DIPK1A: variants seen among roughly 807,000 people sequenced by gnomAD.
DIPK1A encodes divergent protein kinase domain 1A.
In DIPK1A, 27 loss-of-function variants were observed where a neutral mutation model predicts 40.8. That is an observed-to-expected ratio of 0.66 (90% CI 0.49 to 0.91). The LOEUF (loss-of-function observed/expected upper bound fraction) is 0.91. Ranked by LOEUF, DIPK1A falls within the 40% of genes least tolerant of loss-of-function variation. The pLI is 0.00. For missense variants in DIPK1A, 412 were observed against 505.7 expected (o/e 0.81, Z 1.78); for synonymous variants, 166 against 171.3 (o/e 0.97, Z 0.24).
At chr1:92,899,918 C>A (rs566019977) in intron 1 of DIPK1A, among the ~76,000 whole-genome samples, 1 of 152,030 alleles carries the variant, frequency 6.6e-6, no homozygotes, top group African/African-American at 2.4e-5. Flanking sequence ...GTATTCCTGG[C>A]TGGCTATTTT....
chr1:92,835,203 G>T, intron 4 of DIPK1A: 1 of 480,900 alleles, frequency 2.1e-6, no homozygotes, highest in Non-Finnish European at 3.8e-6. Flanking sequence ...TGTAGCTAGT[G>T]TCTACTTAAT....
intron 1 of DIPK1A, among the ~76,000 whole-genome samples, chr1:92,942,640 T>C (rs1182485085): frequency 6.6e-6 from 1 of 152,130 alleles, no homozygotes; most frequent in Non-Finnish European, 1.5e-5. Context: ...TTTATTGAAA[T>C]ACTTTGTTAA....
chr1:92,888,344 A>C (rs1648706129), intron 1 of DIPK1A, among the ~76,000 whole-genome samples: 1 of 152,160 alleles, frequency 6.6e-6, no homozygotes, highest in Non-Finnish European at 1.5e-5. Context: ...AAGCTCATCC[A>C]TGTGGCTGTG....
intron 1 of DIPK1A, chr1:92,931,221 T>A (rs1650733764): frequency 1.3e-5 from 2 of 153,112 alleles, no homozygotes; most frequent in African/African-American, 4.8e-5. Flanking sequence ...TGTCCTTCAG[T>A]AGGTGGATGA....
At chr1:92,909,633 C>T (rs1571115377) in intron 1 of DIPK1A, among the ~76,000 whole-genome samples, 1 of 152,316 alleles carries the variant, frequency 6.6e-6, no homozygotes. Context: ...AACAGTAGGA[C>T]TGGACTCTGA....
At chr1:92,941,458 G>A (rs1571144143) in intron 1 of DIPK1A, among the ~76,000 whole-genome samples, 1 of 152,220 alleles carries the variant, frequency 6.6e-6, no homozygotes, top group Admixed American at 6.5e-5. Context: ...CAGTTCTGTT[G>A]ACAGCAAAAT....
At chr1:92,867,071 T>C (rs1169050480) in intron 2 of DIPK1A, among the ~76,000 whole-genome samples, 1 of 152,224 alleles carries the variant, frequency 6.6e-6, no homozygotes, top group Non-Finnish European at 1.5e-5. Context: ...TGTCTTTCAA[T>C]ACATGAACTC....
At chr1:92,922,594 G>A (rs188835725) in intron 1 of DIPK1A, among the ~76,000 whole-genome samples, 7 of 152,214 alleles carry the variant, frequency 4.6e-5, no homozygotes, top group Admixed American at 1.3e-4. Flanking sequence ...CTAAGAACTC[G>A]GGAGGGCCCT....
intron 4 of DIPK1A, chr1:92,836,307 G>A (rs570656717): frequency 1.2e-6 from 2 of 1,614,172 alleles, no homozygotes; most frequent in South Asian, 2.2e-5. Flanking sequence ...CTATTTGGAT[G>A]CAGGCCTTGC....
chr1:92,909,224 G>T (rs1481259976), intron 1 of DIPK1A, among the ~76,000 whole-genome samples: 1 of 151,974 alleles, frequency 6.6e-6, no homozygotes, highest in African/African-American at 2.4e-5. Flanking sequence ...ATCTGCAGAG[G>T]AGAATACCTG....
intron 1 of DIPK1A, among the ~76,000 whole-genome samples, chr1:92,924,790 T>C (rs549179346): frequency 6.6e-6 from 1 of 152,376 alleles, no homozygotes; most frequent in South Asian, 2.1e-4. Flanking sequence ...CCTGCATTCA[T>C]GATAAACAGT....
chr1:92,892,063 T>C lies in DIPK1A; in HGVS notation c.55-15633A>G, dbSNP rs1463849677. On this transcript the variant is annotated intron_variant, in intron 1 of 4. Transcript: ENST00000370310. ...GCTCAAGGAGGCCTGCCTGCCTCTG[T>C]AGACTCCACTTCTGGGGGCAGGGCA... Among the ~76,000 whole-genome samples the C allele has an allele frequency of 2.6e-5, 4 of 152,060 alleles. No individual in the cohort carries two copies. In the East Asian group the frequency reaches 5.8e-4, roughly 22 times the overall value.
intron 1 of DIPK1A, among the ~76,000 whole-genome samples, chr1:92,903,653 C>G (rs1418191786): frequency 6.6e-6 from 1 of 152,134 alleles, no homozygotes; most frequent in Non-Finnish European, 1.5e-5. Context: ...GAGAGCTAGT[C>G]AAAATCTAAA....
chr1:92,881,096 C>A (rs1648350746), intron 1 of DIPK1A, among the ~76,000 whole-genome samples: 1 of 138,834 alleles, frequency 7.2e-6, no homozygotes, highest in Non-Finnish European at 1.5e-5. Context: ...TCGCTTGAAC[C>A]CGGGAGGTGG....
intron 1 of DIPK1A, among the ~76,000 whole-genome samples, chr1:92,882,733 A>T (rs1040705741): frequency 6.6e-6 from 1 of 152,230 alleles, no homozygotes; most frequent in Admixed American, 6.5e-5. Flanking sequence ...ATAAAGATTT[A>T]AAAATGTATA....
At chr1:92,833,883 ATTGC>A (rs1444699143) in intron 4 of DIPK1A, 1 of 542,484 alleles carries the variant, frequency 1.8e-6, no homozygotes, top group East Asian at 3.3e-5. Flanking sequence ...CTTCGGGAAG[ATTGC>A]TTGAGCCCAG....
intron 1 of DIPK1A, among the ~76,000 whole-genome samples, chr1:92,939,478 C>A (rs1651069428): frequency 6.6e-6 from 1 of 152,112 alleles, no homozygotes; most frequent in African/African-American, 2.4e-5. Flanking sequence ...TTAACCAAAA[C>A]ATTCCTAAAT....
At position 92,938,924 on chromosome 1, in the gene DIPK1A, C is replaced by T. The variant is rs557524819; in HGVS notation, c.54+22452G>A. ...CTACTTTTATCATTTATTTTTTAGA[C>T]GGAGTCCTGCTCTGTCACCCAGGCT... On this transcript the variant is annotated intron_variant, in intron 1 of 4. Coordinates refer to ENST00000370310, the MANE Select transcript of DIPK1A (RefSeq NM_001006605.5). Among the ~76,000 whole-genome samples, 15 of 152,280 alleles carry T rather than the reference C, an allele frequency of 9.9e-5. 1 individual carries two copies. Among genetic ancestry groups the T allele is most frequent in the African/African-American group, 2.9e-4 (12 of 41,570 alleles).
In DIPK1A at chr1:92,843,730, T is replaced by G; in HGVS notation, c.940A>C (p.Arg314=). 6.4e-7 allele frequency: 1 copy of G among 1,551,766 alleles called. No individual in the cohort carries two copies. Among genetic ancestry groups the G allele is most frequent in the Non-Finnish European group, 8.7e-7 (1 of 1,146,998 alleles). The part of the protein sequence containing the change: ...DKYDLKMVDM[R]KIVPETNLKE... ...AGGTTTGTCTCTGGCACAATTTTTC[T>G]CATATCCACCATTTTCAAATCATAC... is the stretch of plus-strand genomic sequence containing the variant. The change falls in exon 5 of 5, where the codon AGA becomes CGA. Residue 314 remains arginine, a synonymous_variant. Transcript: ENST00000370310.
Sources: gnomAD v4.1 joint callset for allele counts (sites outside exome capture counted in the v4.1 genomes callset) on GRCh38, gnomAD v4.1.1 for gene constraint, MANE v1.5 for transcripts, NCBI Gene and HGNC (gene_info 2026-07-23, HGNC 2026-07-21) for gene names.